MPHOSPH9: variants seen among roughly 807,000 people sequenced by gnomAD.
MPHOSPH9 encodes M-phase phosphoprotein 9.
Under a neutral mutation model 145.5 loss-of-function variants are expected in MPHOSPH9, and 88 were observed. The ratio of observed to expected loss-of-function variants is 0.60; its 90% CI spans 0.51 to 0.72. MPHOSPH9 has a LOEUF of 0.72. Among genes scored for constraint, MPHOSPH9 ranks in the 30% least tolerant of loss-of-function variants. MPHOSPH9 has a pLI of 0.00. For missense variants in MPHOSPH9, 1,238 were observed against 1,386.6 expected, an observed-to-expected ratio of 0.89 and a Z score of 1.70; for synonymous variants, 435 against 486.2, an observed-to-expected ratio of 0.89 and a Z score of 1.39.
intron 12 of MPHOSPH9, 22 bp from the exon 13 acceptor site, chr12:123,194,623 A>ATTT: frequency 1.6e-6 from 2 of 1,254,654 alleles, no homozygotes; most frequent in East Asian, 2.8e-5. Flanking sequence ...AGACAAACAT[A>ATTT]ATTTTTTTTT....
chr12:123,225,458 A>G (rs1003107856), intron 3 of MPHOSPH9, among the ~76,000 whole-genome samples: 1 of 146,430 alleles, frequency 6.8e-6, no homozygotes, highest in African/African-American at 2.5e-5. Context: ...AAAAAAAAAA[A>G]AAGAAAGAAA....
At chr12:123,225,801 C>CA (rs1350766495) in intron 3 of MPHOSPH9, among the ~76,000 whole-genome samples, 1 of 152,124 alleles carries the variant, frequency 6.6e-6, no homozygotes, top group Non-Finnish European at 1.5e-5. Flanking sequence ...TTTGGGAAGC[C>CA]AAATCAGGCA....
chr12:123,220,123 G>A lies in MPHOSPH9; in HGVS notation c.872+1249C>T, dbSNP rs186403142. Among the ~76,000 whole-genome samples the A allele has an allele frequency of 3.4e-3, 523 of 152,206 alleles. 2 individuals carry two copies. The highest frequency in any genetic ancestry group is 0.012 in the African/African-American group (506 of 41,532). The stretch of plus-strand genomic sequence containing the variant: ...GCAGGAGAATCATATGAACCTGGGA[G>A]GTAGAGGTTGCAGTGAGCTGCGATC... On this transcript the variant is annotated intron_variant, in intron 5 of 23. Transcript: ENST00000606320.
chr12:123,173,642 T>C (rs1254385280), intron 16 of MPHOSPH9, among the ~76,000 whole-genome samples: 1 of 152,086 alleles, frequency 6.6e-6, no homozygotes, highest in Non-Finnish European at 1.5e-5. Context: ...CTCCATAAAA[T>C]GCCCAAAAGG....
intron 4 of MPHOSPH9, among the ~76,000 whole-genome samples, chr12:123,222,796 C>A (rs1366914826): frequency 1.3e-5 from 2 of 151,952 alleles, no homozygotes; most frequent in East Asian, 3.9e-4. Flanking sequence ...ATTAGCTGGG[C>A]GTGTTGGCAG....
At position 123,233,131 on chromosome 12, in the gene MPHOSPH9, T is replaced by C. The variant is rs941035389; in HGVS notation, c.-215A>G. ...TCATGCAAGCGGCCTCTCGCGACCG[T>C]TACCCGAGGGAGCGCGCGCGCGCCC... is the stretch of plus-strand genomic sequence containing the variant. On this transcript the variant is annotated 5_prime_UTR_variant, in exon 1 of 24. Coordinates refer to ENST00000606320, the MANE Select transcript of MPHOSPH9 (RefSeq NM_022782.4). 8.2e-6 allele frequency: 1 copy of C among 122,278 alleles called. No homozygotes were observed. Among genetic ancestry groups the C allele is most frequent in the Non-Finnish European group, 1.9e-5 (1 of 51,744 alleles). The allele number at this position is 122,278 out of a possible 1,614,324, so 7.6% of individuals were successfully genotyped here. A position where few individuals can be genotyped will look rare whatever the true frequency, so the allele number is the denominator to read the frequency against.
chr12:123,232,747 C>G (rs975286649), intron 1 of MPHOSPH9, among the ~76,000 whole-genome samples: 1 of 152,110 alleles, frequency 6.6e-6, no homozygotes. Flanking sequence ...CAACTACAAC[C>G]GCGATTCCAA....
chr12:123,201,234 T>TTTTGC (rs1281851069), intron 11 of MPHOSPH9, among the ~76,000 whole-genome samples: 1 of 151,718 alleles, frequency 6.6e-6, no homozygotes, highest in Non-Finnish European at 1.5e-5. Context: ...AGTTAAACTG[T>TTTTGC]TTTGTTTTGT....
At chr12:123,206,637 G>A (rs2046449288) in intron 8 of MPHOSPH9, among the ~76,000 whole-genome samples, 1 of 152,006 alleles carries the variant, frequency 6.6e-6, no homozygotes, top group Non-Finnish European at 1.5e-5. Flanking sequence ...TAATAAGCCA[G>A]GCACAGTGGC....
intron 13 of MPHOSPH9, among the ~76,000 whole-genome samples, chr12:123,181,872 G>A (rs922496015): frequency 1.2e-4 from 19 of 152,158 alleles, no homozygotes; most frequent in East Asian, 3.8e-4. Context: ...GCCACAGAGC[G>A]AGACCCTGTC....
intron 16 of MPHOSPH9, among the ~76,000 whole-genome samples, chr12:123,168,341 CT>C (rs1247136954): frequency 0.034 from 4,577 of 135,360 alleles, 146 homozygotes; most frequent in East Asian, 0.23. Context: ...ACATGACTTT[CT>C]TTTTTTTTTT....
At chr12:123,214,876 A>G (rs375618122) in intron 6 of MPHOSPH9, 42 bp from the exon 7 acceptor site, 444 of 1,490,854 alleles carry the variant, frequency 3.0e-4, no homozygotes, top group Non-Finnish European at 4.0e-4. Context: ...AAAAGTCATT[A>G]GGCACAATCT....
chr12:123,168,131 C>T (rs2044394055), intron 16 of MPHOSPH9, among the ~76,000 whole-genome samples: 1 of 152,058 alleles, frequency 6.6e-6, no homozygotes, highest in Non-Finnish European at 1.5e-5. Context: ...CTTGATCTAC[C>T]CTGAAGTCCA....
chr12:123,177,118 A>T (rs1177585598), intron 15 of MPHOSPH9, among the ~76,000 whole-genome samples: 1 of 152,000 alleles, frequency 6.6e-6, no homozygotes, highest in Non-Finnish European at 1.5e-5. Flanking sequence ...TGAACCAGGG[A>T]GGTGGATATT....
At chr12:123,194,248 G>T in intron 13 of MPHOSPH9, 138 bp downstream of exon 13, 1 of 607,694 alleles carries the variant, frequency 1.6e-6, no homozygotes, top group Non-Finnish European at 2.7e-6. Flanking sequence ...CAGCCTGGGT[G>T]TCAGAGTGAG....
Position 123,215,735 on chromosome 12 carries a change from C to A in MPHOSPH9, c.997-901G>T, listed in dbSNP as rs1050126921. Among the ~76,000 whole-genome samples the A allele has an allele frequency of 8.5e-5, 13 of 152,264 alleles. 1 individual carries two copies. The highest frequency in any genetic ancestry group is 8.5e-4 in the Admixed American group (13 of 15,276). On this transcript the variant is annotated intron_variant, in intron 6 of 23. Coordinates refer to ENST00000606320, the MANE Select transcript of MPHOSPH9 (RefSeq NM_022782.4). ...AGATATGTGATGAGAATATTTCTAT[C>A]AGAATTTTTCTTATCAGGTCCCTCA...
chr12:123,228,787 T>C (rs571608046), intron 2 of MPHOSPH9, among the ~76,000 whole-genome samples: 1 of 152,216 alleles, frequency 6.6e-6, no homozygotes, highest in Non-Finnish European at 1.5e-5. Flanking sequence ...CCAGTCACAA[T>C]GAAAAGGAAG....
chr12:123,243,795 G>C (rs993167203), intron 1 of MPHOSPH9: 1 of 152,190 alleles, frequency 6.6e-6, no homozygotes, highest in Admixed American at 6.5e-5. Context: ...CAGTATCACT[G>C]TACTGGTTAC....
At chr12:123,216,714 T>C (rs143091100) in intron 6 of MPHOSPH9, among the ~76,000 whole-genome samples, 3 of 151,746 alleles carry the variant, frequency 2.0e-5, no homozygotes, top group African/African-American at 7.2e-5. Context: ...AAAATTTCTT[T>C]GGGCCAGGAA....
Sources: allele counts gnomAD v4.1 joint callset (sites outside exome capture counted in the v4.1 genomes callset), GRCh38; gene constraint gnomAD v4.1.1; transcripts MANE v1.5; gene names NCBI Gene and HGNC (gene_info 2026-07-23, HGNC 2026-07-21).